BAHCC1: variants seen among roughly 807,000 people sequenced by gnomAD.
The protein encoded by BAHCC1 is BAH domain and coiled-coil containing 1, also known as BAH and coiled-coil domain-containing protein 1.
BAHCC1 carries 43 observed loss-of-function variants against 88.2 expected under a neutral mutation model. That is an observed-to-expected ratio of 0.49 (90% CI 0.38 to 0.63). BAHCC1 has a LOEUF of 0.63. Among genes scored for constraint, BAHCC1 ranks in the 20% least tolerant of loss-of-function variants. BAHCC1 has a pLI of 0.00. For synonymous variants in BAHCC1, 1,510 were observed against 745.5 expected (o/e 2.03, Z -16.71); for missense variants, 3,023 against 1,654.8 (o/e 1.83, Z -14.34).
Position 81,434,691 on chromosome 17 carries a change from C to G in BAHCC1, c.359-3679C>G, listed in dbSNP as rs2064312102. Among the ~76,000 whole-genome samples the G allele has an allele frequency of 6.6e-6, 1 of 152,068 alleles. No homozygotes were observed. ...CCCCAAGTTCAGCATCCTGAGAGACCCAGGAGCAGCCCCTGGTTTTCCACG... is the reference window on the plus strand; with the variant it reads ...CCCCAAGTTCAGCATCCTGAGAGACGCAGGAGCAGCCCCTGGTTTTCCACG... On this transcript the variant is annotated intron_variant, in intron 3 of 27. Transcript: ENST00000675386. This position sits in a 1 kb window ranked among gnomAD's most constrained non-coding sequence, Gnocchi z 4.9.
intron 2 of BAHCC1, among the ~76,000 whole-genome samples, chr17:81,420,494 T>A (rs1454956203): frequency 1.3e-5 from 2 of 152,234 alleles, no homozygotes; most frequent in African/African-American, 4.8e-5. Flanking sequence ...GACCTTGGGC[T>A]CCGGGTCAGA....
chr17:81,425,116 TGGG>T (rs1394450344), intron 2 of BAHCC1, among the ~76,000 whole-genome samples: 6 of 126,972 alleles, frequency 4.7e-5, no homozygotes, highest in East Asian at 2.7e-4. Context: ...GTGATGTGGT[TGGG>T]GGTGATAGTG....
intron 13 of BAHCC1, among the ~76,000 whole-genome samples, 178 bp from the exon 14 acceptor site, chr17:81,452,545 C>T (rs1173202805): frequency 5.3e-5 from 8 of 150,560 alleles, no homozygotes; most frequent in South Asian, 2.1e-4. Flanking sequence ...GAGGTGGGGG[C>T]GGCGGGGGCC....
In BAHCC1 at chr17:81,416,838, G is replaced by A. The variant is rs1219939206; in HGVS notation, c.179-9962G>A. The stretch of plus-strand genomic sequence containing the variant: ...TCGCAGCCTGTGGCTGGTCCACTTG[G>A]AGGATGGGAGAGGCTGGCCAGCAGG... On this transcript the variant is annotated intron_variant, in intron 2 of 27. Coordinates refer to ENST00000675386, the MANE Select transcript of BAHCC1 (RefSeq NM_001377448.1). Among the ~76,000 whole-genome samples, 11 of 152,222 alleles carry A rather than the reference G, an allele frequency of 7.2e-5. No individual in the cohort carries two copies. In the East Asian group the frequency reaches 2.1e-3, roughly 29 times the overall value.
Position 81,438,499 on chromosome 17 carries a change from G to A in BAHCC1, c.481+7G>A, listed in dbSNP as rs375511380. On this transcript the variant is annotated splice_region_variant and intron_variant, in intron 4 of 27. Coordinates refer to ENST00000675386, the MANE Select transcript of BAHCC1 (RefSeq NM_001377448.1). ...TTCTATGGAACCCAAAAAGGCAAGT[G>A]CAGCATGGGACCGGCGTGGGGAGCA... The A allele has an allele frequency of 2.3e-5, 18 of 766,456 alleles. No individual in the cohort carries two copies. In the African/African-American group the frequency reaches 2.9e-4, roughly 12 times the overall value. The allele number at this position is 766,456 out of a possible 1,614,324, so 47.5% of individuals were successfully genotyped here.
chr17:81,440,171 A>G (rs1334232305), intron 4 of BAHCC1, among the ~76,000 whole-genome samples: 1 of 152,178 alleles, frequency 6.6e-6, no homozygotes, highest in Non-Finnish European at 1.5e-5. Context: ...ACAGCCCCGC[A>G]GGCCCCGTTC....
chr17:81,420,090 C>T (rs1295246529), intron 2 of BAHCC1, among the ~76,000 whole-genome samples: 1 of 152,142 alleles, frequency 6.6e-6, no homozygotes, highest in East Asian at 1.9e-4. Context: ...GCTGCTGGCA[C>T]GGCTGCTGGA....
intron 3 of BAHCC1, among the ~76,000 whole-genome samples, chr17:81,431,093 G>C (rs1221329822): frequency 1.3e-5 from 2 of 151,332 alleles, no homozygotes; most frequent in Admixed American, 1.3e-4. Context: ...ATCCCAGCGT[G>C]GGGGTGGAGG....
At position 81,452,039 on chromosome 17, in the gene BAHCC1, G is replaced by A. The variant is rs782521103; in HGVS notation, c.4248G>A (p.Ala1416=). Residue 1416 remains alanine (A), a synonymous_variant, in exon 13 of 28, where the codon GCG becomes GCA. Transcript: ENST00000675386. Reference sequence around the variant, plus strand: ...AGGTGGGGATGCGCGTGCGGCTGGCGGAGCTGCAGCGGCGCTACAAGGAGA... The same window carrying A: ...AGGTGGGGATGCGCGTGCGGCTGGCAGAGCTGCAGCGGCGCTACAAGGAGA... The part of the protein sequence containing the change: ...TQEVGMRVRL[A]ELQRRYKEKQ... The A allele has an allele frequency of 3.2e-5, 20 of 628,984 alleles. No individual in the cohort carries two copies. Among genetic ancestry groups the A allele is most frequent in the Non-Finnish European group, 4.2e-5 (15 of 356,908 alleles). The allele number at this position is 628,984 out of a possible 1,614,324, so 39.0% of individuals were successfully genotyped here.
chr17:81,459,540 C>T lies in BAHCC1; in HGVS notation c.5841C>T (p.Gly1947=). 1 of 779,690 alleles carries T rather than the reference C, an allele frequency of 1.3e-6. No individual in the cohort carries two copies. The highest frequency in any genetic ancestry group is 2.4e-6 in the Non-Finnish European group (1 of 417,890). 48.3% of individuals were successfully genotyped at this position (779,690 alleles called of 1,614,324 possible). The change falls in exon 23 of 28, where the codon GGC becomes GGT. Residue 1947 remains glycine, a synonymous_variant. Coordinates refer to ENST00000675386, the MANE Select transcript of BAHCC1 (RefSeq NM_001377448.1). ...AGTCCAGCCGGTACCTCCCGCCCGGCACGCGGGTCTGCGCCTACTGGAGTC... is the reference window on the plus strand; with the variant it reads ...AGTCCAGCCGGTACCTCCCGCCCGGTACGCGGGTCTGCGCCTACTGGAGTC... ...RPQSSRYLPP[G]TRVCAYWSQK...
chr17:81,452,593 C>T (rs2064661731), intron 13 of BAHCC1, 130 bp from the exon 14 acceptor site: 1 of 547,508 alleles, frequency 1.8e-6, no homozygotes, highest in Non-Finnish European at 3.2e-6. Flanking sequence ...GGGTCAGGCT[C>T]CCCAGGCCGA....
chr17:81,431,400 G>T (rs2064259931), intron 3 of BAHCC1, among the ~76,000 whole-genome samples: 1 of 152,208 alleles, frequency 6.6e-6, no homozygotes, highest in Non-Finnish European at 1.5e-5. Flanking sequence ...ACTGTTGAGT[G>T]CAGGGGTTTC....
rs782480737 is a variant in BAHCC1, at chr17:81,462,008, G to A, written c.7345G>A (p.Ala2449Thr). The change falls in exon 26 of 28, where the codon GCC (alanine) becomes ACC (threonine). Residue 2449 changes from alanine (A) to threonine (T), a missense_variant. By Grantham distance (58) the Ala-to-Thr change is moderately conservative. Coordinates refer to ENST00000675386, the MANE Select transcript of BAHCC1 (RefSeq NM_001377448.1). ...GCCAAAGATCTCAGCCTTCCTGCCC[G>A]CCCGGCAGCTCTGGAAGTGGTCGGG... ...NRPKISAFLP[A>T]RQLWKWSGNP... The A allele has an allele frequency of 2.3e-5, 18 of 777,948 alleles. No homozygotes were observed. Among genetic ancestry groups the A allele is most frequent in the African/African-American group, 3.4e-5 (2 of 59,128 alleles). The allele number at this position is 777,948 out of a possible 1,614,324, so 48.2% of individuals were successfully genotyped here.
chr17:81,427,125 C>T (rs2064209505), intron 3 of BAHCC1, 146 bp downstream of exon 3: 1 of 397,974 alleles, frequency 2.5e-6, no homozygotes, highest in Non-Finnish European at 4.4e-6. Flanking sequence ...GGTGAGGCTG[C>T]CTCCCTGCCG....
Position 81,434,270 on chromosome 17 carries a change from C to T in BAHCC1, c.359-4100C>T, listed in dbSNP as rs1197578601. Among the ~76,000 whole-genome samples, 1 of 152,194 alleles carries T rather than the reference C, an allele frequency of 6.6e-6. No individual in the cohort carries two copies. The highest frequency in any genetic ancestry group is 3.2e-3 in the Middle Eastern group (1 of 316). On this transcript the variant is annotated intron_variant, in intron 3 of 27. Transcript: ENST00000675386. The surrounding 1 kb of genome is among the most constrained non-coding windows in gnomAD (Gnocchi z 4.9). The stretch of plus-strand genomic sequence containing the variant: ...CCACGTGCACATTCCAGGCTCGGGG[C>T]CACGCCCAGCTGACTGCATGACCCA...
At position 81,463,731 on chromosome 17, in the gene BAHCC1, C is replaced by G; in HGVS notation, c.7741C>G (p.Arg2581Gly). ...GGCCCGGAGCCGCAAGTGCCAGGAC[C>G]GGCAGGACCTCTACTACCTGGCGGG... ...QMARSRKCQDRQDLYYLAGTY... is the reference protein window; with the variant it reads ...QMARSRKCQDGQDLYYLAGTY... The change falls in exon 28 of 28, where the codon CGG becomes GGG. Residue 2581 changes from arginine (R) to glycine (G), a missense_variant. By Grantham distance (125) the Arg-to-Gly change is moderately radical. Transcript: ENST00000675386. The G allele has an allele frequency of 1.3e-6, 1 of 779,076 alleles. No individual in the cohort carries two copies. Among genetic ancestry groups the G allele is most frequent in the Non-Finnish European group, 2.4e-6 (1 of 417,780 alleles). The allele number at this position is 779,076 out of a possible 1,614,324, so 48.3% of individuals were successfully genotyped here.
At chr17:81,421,933 A>G (rs2064120835) in intron 2 of BAHCC1, 2 of 422,116 alleles carry the variant, frequency 4.7e-6, no homozygotes, top group Non-Finnish European at 9.5e-6. Context: ...GGGTATTTGC[A>G]GCTGTGCCCA....
At position 81,451,899 on chromosome 17, in the gene BAHCC1, C is replaced by T. The variant is rs59545836; in HGVS notation, c.4179+29C>T. 2.7e-3 allele frequency: 1,877 copies of T among 686,924 alleles called. 28 individuals are homozygous for T. In the African/African-American group the frequency reaches 0.028, roughly 10 times the overall value. The allele number at this position is 686,924 out of a possible 1,614,324, so 42.6% of individuals were successfully genotyped here. On this transcript the variant is annotated intron_variant, in intron 12 of 27. Coordinates refer to ENST00000675386, the MANE Select transcript of BAHCC1 (RefSeq NM_001377448.1). Reference sequence around the variant, plus strand: ...AGTGGAGGTCCCAGTGCCCACGTCGCCCAGTGCGTTGCCACAGAGCCCCAG... The same window carrying T: ...AGTGGAGGTCCCAGTGCCCACGTCGTCCAGTGCGTTGCCACAGAGCCCCAG...
Position 81,464,675 on chromosome 17 carries a change from A to T in BAHCC1, c.*858A>T, listed in dbSNP as rs546384899. On this transcript the variant is annotated 3_prime_UTR_variant, in exon 28 of 28. Transcript: ENST00000675386. ...AAGACAAAGACGAACAAATATTTTA[A>T]AGTATTGATAAGAAAAAGCAATGTT... 3 of 152,606 alleles carry T rather than the reference A, an allele frequency of 2.0e-5. No homozygotes were observed. Among genetic ancestry groups the T allele is most frequent in the African/African-American group, 7.2e-5 (3 of 41,558 alleles). 9.5% of individuals were successfully genotyped at this position (152,606 alleles called of 1,614,324 possible).
Sources: gnomAD v4.1 joint callset for allele counts (sites outside exome capture counted in the v4.1 genomes callset) on GRCh38, gnomAD v4.1.1 for gene constraint, Gnocchi (gnomAD v3.1) non-coding constraint, MANE v1.5 for transcripts, NCBI Gene and HGNC (gene_info 2026-07-23, HGNC 2026-07-21) for gene names.